The following AGBL4 variants were observed in gnomAD, a reference collection of about 807,000 sequenced individuals.
AGBL4 encodes cytosolic carboxypeptidase 6.
In AGBL4, 58 loss-of-function variants were observed where a neutral mutation model predicts 66.4. The ratio of observed to expected loss-of-function variants is 0.87; its 90% CI spans 0.71 to 1.09. The LOEUF (loss-of-function observed/expected upper bound fraction) is 1.09. Ranked by LOEUF, AGBL4 falls within the 50% of genes least tolerant of loss-of-function variation. The pLI is 0.00. For synonymous variants in AGBL4, 234 were observed against 222.9 expected, an observed-to-expected ratio of 1.05 and a Z score of -0.44; for missense variants, 579 against 631.0, an observed-to-expected ratio of 0.92 and a Z score of 0.88.
At chr1:49,233,511 T>C (rs1334462492) in intron 4 of AGBL4, among the ~76,000 whole-genome samples, 1 of 152,232 alleles carries the variant, frequency 6.6e-6, no homozygotes, top group Non-Finnish European at 1.5e-5. Flanking sequence ...TGAGGCTCTA[T>C]GACTCCAAAG....
intron 6 of AGBL4, among the ~76,000 whole-genome samples, chr1:48,835,457 A>G (rs1646651316): frequency 6.6e-6 from 1 of 152,148 alleles, no homozygotes; most frequent in African/African-American, 2.4e-5. Flanking sequence ...GAGTGCTATG[A>G]AAGAAAGAAC....
chr1:49,897,381 C>T (rs1441307449), intron 1 of AGBL4, among the ~76,000 whole-genome samples: 1 of 151,584 alleles, frequency 6.6e-6, no homozygotes, highest in African/African-American at 2.4e-5. Context: ...TTATATACGT[C>T]AGAATTAACC....
intron 3 of AGBL4, among the ~76,000 whole-genome samples, chr1:49,624,002 AGTGTGTGTGT>A (rs34356093): frequency 6.7e-6 from 1 of 149,346 alleles, no homozygotes; most frequent in African/African-American, 2.5e-5. Flanking sequence ...GATGAGAGAG[AGTGTGTGTGT>A]GTGTGTGTGT....
chr1:49,035,313 A>AGG (rs2149041248), intron 5 of AGBL4, among the ~76,000 whole-genome samples: 1 of 152,256 alleles, frequency 6.6e-6, no homozygotes, highest in East Asian at 1.9e-4. Flanking sequence ...AATTTGATTG[A>AGG]GGGGCATAAG....
intron 1 of AGBL4, among the ~76,000 whole-genome samples, chr1:50,019,298 T>A (rs376915341): frequency 1.8e-3 from 141 of 76,970 alleles, no homozygotes; most frequent in East Asian, 7.8e-3. Context: ...TCTCTCTCTC[T>A]CTCTCTCTCA....
chr1:48,743,960 A>C (rs1438430274), intron 6 of AGBL4, among the ~76,000 whole-genome samples: 2 of 152,218 alleles, frequency 1.3e-5, no homozygotes, highest in African/African-American at 2.4e-5. Context: ...AAATTTAAGA[A>C]TGAAACTTGC....
intron 4 of AGBL4, among the ~76,000 whole-genome samples, chr1:49,104,759 G>A (rs930482600): frequency 1.3e-5 from 2 of 152,064 alleles, no homozygotes; most frequent in South Asian, 2.1e-4. Flanking sequence ...AGGCATGAAC[G>A]GGCTCCAGGA....
At chr1:49,929,089 C>G (rs1653076639) in intron 1 of AGBL4, among the ~76,000 whole-genome samples, 1 of 152,130 alleles carries the variant, frequency 6.6e-6, no homozygotes, top group Non-Finnish European at 1.5e-5. Flanking sequence ...ACTACATATT[C>G]TCACTTATAA....
At chr1:49,151,277 A>T (rs1234349675) in intron 4 of AGBL4, among the ~76,000 whole-genome samples, 4 of 147,544 alleles carry the variant, frequency 2.7e-5, no homozygotes, top group African/African-American at 9.9e-5. Context: ...TCAAAAAAAA[A>T]AAAAATATAT....
intron 2 of AGBL4, among the ~76,000 whole-genome samples, chr1:49,759,027 T>C (rs1037536858): frequency 6.6e-6 from 1 of 152,146 alleles, no homozygotes; most frequent in Non-Finnish European, 1.5e-5. Flanking sequence ...CTTGTAATAG[T>C]GATTGAATTC....
At chr1:49,396,066 T>C (rs1382075613) in intron 3 of AGBL4, among the ~76,000 whole-genome samples, 1 of 151,522 alleles carries the variant, frequency 6.6e-6, no homozygotes, top group Non-Finnish European at 1.5e-5. Context: ...TAGCTGTCCT[T>C]GTGCTGCATC....
intron 3 of AGBL4, among the ~76,000 whole-genome samples, chr1:49,556,467 C>A (rs1338267466): frequency 6.6e-6 from 1 of 151,470 alleles, no homozygotes; most frequent in Non-Finnish European, 1.5e-5. Flanking sequence ...TGTAACAAAC[C>A]TGCACATTGT....
chr1:49,030,733 T>C (rs1188177598), intron 5 of AGBL4, among the ~76,000 whole-genome samples: 1 of 149,638 alleles, frequency 6.7e-6, no homozygotes, highest in African/African-American at 2.5e-5. Flanking sequence ...ACAAAACTAG[T>C]CCCTGGTGCC....
At position 49,483,745 on chromosome 1, in the gene AGBL4, A is replaced by G. The variant is rs1475912761; in HGVS notation, c.282+213568T>C. Among the ~76,000 whole-genome samples the G allele has an allele frequency of 3.3e-5, 5 of 152,108 alleles. 1 individual carries two copies. The highest frequency in any genetic ancestry group is 4.8e-5 in the African/African-American group (2 of 41,550). On this transcript the variant is annotated intron_variant, in intron 3 of 13. Transcript: ENST00000371839. The stretch of plus-strand genomic sequence containing the variant: ...AGGCAACCAAAGTAAACATGGCCCA[A>G]TGAAATCCCATCATGTTAAAAAAAA...
chr1:49,556,127 C>G (rs1431945256), intron 3 of AGBL4, among the ~76,000 whole-genome samples: 3 of 152,148 alleles, frequency 2.0e-5, no homozygotes, highest in Non-Finnish European at 2.9e-5. Context: ...TTGGAACCAA[C>G]CCAAATGTCC....
chr1:49,176,178 A>G (rs1413028186), intron 4 of AGBL4, among the ~76,000 whole-genome samples: 1 of 152,126 alleles, frequency 6.6e-6, no homozygotes, highest in African/African-American at 2.4e-5. Flanking sequence ...ATGGAATTAA[A>G]CAGCCAGATT....
intron 4 of AGBL4, among the ~76,000 whole-genome samples, chr1:49,084,294 A>C (rs1644858632): frequency 6.6e-6 from 1 of 152,166 alleles, no homozygotes; most frequent in East Asian, 1.9e-4. Context: ...ACCCCACTCT[A>C]CCATTACCAA....
chr1:49,398,368 G>A (rs1272485053), intron 3 of AGBL4, among the ~76,000 whole-genome samples: 1 of 123,490 alleles, frequency 8.1e-6, no homozygotes, highest in Non-Finnish European at 1.7e-5. Context: ...TCTCTCTCTC[G>A]CTCCTGATTT....
In AGBL4 at chr1:50,019,306, T is replaced by TCTCACACA. The variant is rs1167835143; in HGVS notation, c.34+4456_34+4457insTGTGTGAG. On this transcript the variant is annotated intron_variant, in intron 1 of 13. Transcript: ENST00000371839. ...CTCTCTCTCTCTCTCTCTCTCTCTC[T>TCTCACACA]CACACACACACACACACACACACAC... Among the ~76,000 whole-genome samples, 427 of 48,426 alleles carry TCTCACACA rather than the reference T, an allele frequency of 8.8e-3. 2 individuals are homozygous for TCTCACACA. The highest frequency in any genetic ancestry group is 0.016 in the African/African-American group (216 of 13,528). The allele number at this position is 48,426 out of a possible 152,430, so 31.8% of individuals were successfully genotyped here.
Sources: gnomAD v4.1 joint callset for allele counts (sites outside exome capture counted in the v4.1 genomes callset) on GRCh38, gnomAD v4.1.1 for gene constraint, MANE v1.5 for transcripts, NCBI Gene and HGNC (gene_info 2026-07-23, HGNC 2026-07-21) for gene names.